DGKK: variants seen among roughly 807,000 people sequenced by gnomAD.
The protein encoded by DGKK is 142 kDa diacylglycerol kinase.
DGKK carries 35 observed loss-of-function variants against 92.2 expected under a neutral mutation model. That is an observed-to-expected ratio of 0.38 (90% confidence interval 0.29 to 0.50). The LOEUF is 0.50. Ranked by LOEUF, DGKK falls within the 20% of genes least tolerant of loss-of-function variation. DGKK has a pLI of 0.92. For missense variants in DGKK, 910 were observed against 992.2 expected (o/e 0.92, Z 1.11); for synonymous variants, 368 against 360.6 (o/e 1.02, Z -0.23).
At chrX:50,373,852 T>C (rs1924201713) in intron 25 of DGKK, among the ~76,000 whole-genome samples, 1 of 112,303 alleles carries the variant, frequency 8.9e-6, no homozygotes, top group Admixed American at 9.4e-5. Flanking sequence ...AGTATGCCTA[T>C]GGGTTTTGCA....
intron 17 of DGKK, among the ~76,000 whole-genome samples, chrX:50,383,853 A>G (rs1312074352): frequency 8.9e-6 from 1 of 112,545 alleles, no homozygotes; most frequent in Non-Finnish European, 1.9e-5. Context: ...ACAACAACTA[A>G]CATTTATTAA....
Position 50,392,456 on chromosome X carries a change from G to A in DGKK, c.1596-7C>T. On this transcript the variant is annotated splice_polypyrimidine_tract_variant and splice_region_variant and intron_variant, in intron 9 of 27. Coordinates refer to ENST00000611977, the MANE Select transcript of DGKK (RefSeq NM_001013742.4). The stretch of plus-strand genomic sequence containing the variant: ...GTTCTTGAACATAGACAGCCTGGAA[G>A]GACAAAGAGGAAAGGGGGTCATTTC... 1 of 1,189,943 alleles carries A rather than the reference G, an allele frequency of 8.4e-7. No homozygotes were observed. Among genetic ancestry groups the A allele is most frequent in the South Asian group, 1.8e-5 (1 of 56,113 alleles).
chrX:50,470,006 T>C (rs782313226), intron 1 of DGKK, 28 bp downstream of exon 1: 12 of 1,164,132 alleles, frequency 1.0e-5, no homozygotes, highest in Non-Finnish European at 1.4e-5. Context: ...TTGCTTCTTT[T>C]CCCCGCTTCA....
chrX:50,459,024 G>A (rs1421863374), intron 1 of DGKK, among the ~76,000 whole-genome samples: 1 of 111,477 alleles, frequency 9.0e-6, no homozygotes, highest in Non-Finnish European at 1.9e-5. Flanking sequence ...AAGTGAATTT[G>A]CTATCAGGCA....
At chrX:50,374,731 G>C (rs1924226195) in intron 25 of DGKK, among the ~76,000 whole-genome samples, 1 of 111,173 alleles carries the variant, frequency 9.0e-6, no homozygotes, top group Non-Finnish European at 1.9e-5. Context: ...GAACCCACAA[G>C]ACATTTACCA....
At chrX:50,438,213 C>T (rs1211931932) in intron 1 of DGKK, among the ~76,000 whole-genome samples, 5 of 110,917 alleles carry the variant, frequency 4.5e-5, no homozygotes, top group East Asian at 2.9e-4. Context: ...GACACAGCTA[C>T]CCTCCTCTTG....
intron 1 of DGKK, among the ~76,000 whole-genome samples, chrX:50,439,733 C>A (rs1926121747): frequency 9.0e-6 from 1 of 111,057 alleles, no homozygotes; most frequent in Admixed American, 9.6e-5. Context: ...CTCTTTCCTT[C>A]CCATGAGTAA....
rs926528997 is a variant in DGKK, at chrX:50,401,083, G to A, written c.1365C>T (p.Arg455=). Residue 455 remains arginine (R), a synonymous_variant, in exon 8 of 28, where the codon CGC becomes CGT. Transcript: ENST00000611977. ...FSKECCFRSH[R]SSVIPPTALS... is the part of the protein sequence containing the mutation. ...GAGCAGTGGGAGGAATGACTGATGAGCGATGGCTTCTGAAGCAACATTCCT... is the reference window on the plus strand; with the variant it reads ...GAGCAGTGGGAGGAATGACTGATGAACGATGGCTTCTGAAGCAACATTCCT... 1 of 1,202,666 alleles carries A rather than the reference G, an allele frequency of 8.3e-7. No individual in the cohort carries two copies. Among genetic ancestry groups the A allele is most frequent in the Non-Finnish European group, 1.1e-6 (1 of 891,005 alleles).
At chrX:50,377,770 A>G (rs1385305327) in intron 22 of DGKK, among the ~76,000 whole-genome samples, 3 of 111,880 alleles carry the variant, frequency 2.7e-5, no homozygotes, top group Non-Finnish European at 3.8e-5. Context: ...TTTGCAGTGG[A>G]AAGAGGAGGA....
At chrX:50,387,791 C>G (rs1924586849) in intron 13 of DGKK, 138 bp from the exon 14 acceptor site, 1 of 451,338 alleles carries the variant, frequency 2.2e-6, no homozygotes, top group South Asian at 4.1e-5. Flanking sequence ...CTGCTCCCAG[C>G]CTTTTTCTCT....
rs782183746 is a variant in DGKK at position 50,470,690 on chromosome X, G to A, written c.-12C>T. 1 of 1,096,884 alleles carries A rather than the reference G, an allele frequency of 9.1e-7. No homozygotes were observed. Among genetic ancestry groups the A allele is most frequent in the East Asian group, 3.3e-5 (1 of 30,353 alleles). The allele number at this position is 1,096,884 out of a possible 1,213,427, so 90.4% of individuals were successfully genotyped here. On this transcript the variant is annotated 5_prime_UTR_variant, in exon 1 of 28. Coordinates refer to ENST00000611977, the MANE Select transcript of DGKK (RefSeq NM_001013742.4). ...GCTCCGCGGTCCATGGCCGCACACC[G>A]CTTCAGGTCTGGGCAGCCTGAGTCC...
chrX:50,450,430 C>T (rs1445069746), intron 1 of DGKK, among the ~76,000 whole-genome samples: 3 of 111,845 alleles, frequency 2.7e-5, no homozygotes, highest in African/African-American at 9.7e-5. Flanking sequence ...TGACCTTGTT[C>T]CGTTGGTGGG....
chrX:50,439,999 A>G (rs1225228165), intron 1 of DGKK, among the ~76,000 whole-genome samples: 1 of 111,634 alleles, frequency 9.0e-6, no homozygotes, highest in Non-Finnish European at 1.9e-5. Context: ...AACAGTTAGT[A>G]TTAGTGAACC....
chrX:50,417,462 G>A (rs184359602), intron 4 of DGKK, among the ~76,000 whole-genome samples: 1 of 110,215 alleles, frequency 9.1e-6, no homozygotes, highest in East Asian at 2.9e-4. Context: ...CTGTTTCCAC[G>A]GTCAATGATT....
intron 11 of DGKK, among the ~76,000 whole-genome samples, chrX:50,390,902 T>C (rs1486824615): frequency 8.9e-6 from 1 of 111,769 alleles, no homozygotes; most frequent in Non-Finnish European, 1.9e-5. Context: ...GCAGTGACAA[T>C]GTAAGCAAGT....
intron 4 of DGKK, among the ~76,000 whole-genome samples, chrX:50,411,211 A>G (rs1354941792): frequency 8.9e-6 from 1 of 111,888 alleles, no homozygotes; most frequent in Non-Finnish European, 1.9e-5. Flanking sequence ...GAGGTGATCC[A>G]ATAAATTCTG....
intron 1 of DGKK, 27 bp from the exon 2 acceptor site, chrX:50,424,385 C>A (rs1202578725): frequency 3.5e-6 from 4 of 1,129,208 alleles, no homozygotes; most frequent in Non-Finnish European, 4.9e-6. Context: ...TGGTGTTGAG[C>A]AATTAGATCA....
At chrX:50,413,778 C>T (rs1279662565) in intron 4 of DGKK, among the ~76,000 whole-genome samples, 1 of 111,367 alleles carries the variant, frequency 9.0e-6, no homozygotes, top group East Asian at 2.8e-4. Context: ...TTAATATAGC[C>T]ATTATGGAAA....
rs1926350777 is a variant in DGKK at position 50,447,348 on chromosome X, TATA to T, written c.645+22683_645+22685del. ...TATGTATATATATATATATATTATA[TATA>T]TATATAATATATATATATTATATAT... On this transcript the variant is annotated intron_variant, in intron 1 of 27. Coordinates refer to ENST00000611977, the MANE Select transcript of DGKK (RefSeq NM_001013742.4). Among the ~76,000 whole-genome samples the T allele has an allele frequency of 4.9e-4, 5 of 10,233 alleles. 1 individual carries two copies. Among genetic ancestry groups the T allele is most frequent in the African/African-American group, 2.5e-3 (5 of 2,032 alleles). The allele number at this position is 10,233 out of a possible 115,157, so 8.9% of individuals were successfully genotyped here. A position where few individuals can be genotyped will look rare whatever the true frequency, so the allele number is the denominator to read the frequency against.
Sources: allele counts gnomAD v4.1 joint callset (sites outside exome capture counted in the v4.1 genomes callset), GRCh38; gene constraint gnomAD v4.1.1; transcripts MANE v1.5; gene names NCBI Gene and HGNC (gene_info 2026-07-23, HGNC 2026-07-21).